The following PTPRM variants were observed in gnomAD, a reference collection of about 807,000 sequenced individuals.
PTPRM encodes protein tyrosine phosphatase receptor type M.
PTPRM carries 47 observed loss-of-function variants against 186.7 expected under a neutral mutation model. That is an observed-to-expected ratio of 0.25 (90% confidence interval 0.20 to 0.32). PTPRM has a LOEUF of 0.32. PTPRM is among the 10% of genes least tolerant of loss of function. The probability of loss-of-function intolerance (pLI) is 1.00; values close to 1 mark genes in which losing one functional copy is unlikely to be tolerated. For synonymous variants in PTPRM, 668 were observed against 674.9 expected, an observed-to-expected ratio of 0.99 and a Z score of 0.16; for missense variants, 1,494 against 1,865.0, an observed-to-expected ratio of 0.80 and a Z score of 3.66.
chr18:7,904,163 G>T (rs2049853349), intron 3 of PTPRM, among the ~76,000 whole-genome samples: 1 of 152,090 alleles, frequency 6.6e-6, no homozygotes, highest in Non-Finnish European at 1.5e-5. Flanking sequence ...GGAAATCATT[G>T]TAGAGTCACA....
intron 5 of PTPRM, among the ~76,000 whole-genome samples, chr18:7,941,321 G>T (rs2052158694): frequency 6.6e-6 from 1 of 152,156 alleles, no homozygotes; most frequent in African/African-American, 2.4e-5. Flanking sequence ...GGACAAGAGG[G>T]ACCATCTCTC....
At chr18:8,239,012 T>A (rs2094384614) in intron 14 of PTPRM, among the ~76,000 whole-genome samples, 1 of 151,010 alleles carries the variant, frequency 6.6e-6, no homozygotes, top group Admixed American at 6.6e-5. Flanking sequence ...ATTATTATTA[T>A]ACTTTAAGTT....
intron 22 of PTPRM, among the ~76,000 whole-genome samples, chr18:8,329,007 A>G (rs746254012): frequency 5.3e-5 from 8 of 152,246 alleles, no homozygotes; most frequent in Admixed American, 2.0e-4. Flanking sequence ...ACATCCACCT[A>G]TGTTGTTATA....
intron 24 of PTPRM, among the ~76,000 whole-genome samples, chr18:8,373,743 G>T (rs932654013): frequency 2.0e-5 from 3 of 152,156 alleles, no homozygotes; most frequent in Non-Finnish European, 4.4e-5. Context: ...GACTAACTGG[G>T]TGTGGTGGCT....
At chr18:8,241,834 A>G (rs1201119614) in intron 14 of PTPRM, among the ~76,000 whole-genome samples, 3 of 152,184 alleles carry the variant, frequency 2.0e-5, no homozygotes, top group Non-Finnish European at 4.4e-5. Flanking sequence ...ACAGACATAC[A>G]GTATGTCCTA....
chr18:7,936,370 T>TCCACTGCCTGGCCTCTCCCTGTTC (rs2051809597), intron 5 of PTPRM, among the ~76,000 whole-genome samples: 1 of 152,194 alleles, frequency 6.6e-6, no homozygotes, highest in Admixed American at 6.5e-5. Context: ...AGTACCTGCT[T>TCCACTGCCTGGCCTCTCCCTGTTC]CCACTGCCTG....
At chr18:7,676,641 GTGTGTGTGTGTGTGTGTGTGTA>G (rs1337563571) in intron 1 of PTPRM, among the ~76,000 whole-genome samples, 2 of 138,866 alleles carry the variant, frequency 1.4e-5, no homozygotes, top group African/African-American at 6.1e-5. Context: ...GTGTGTGTGT[GTGTGTGTGTGTGTGTGTGTGTA>G]TGTGTGTGTG....
Position 8,394,581 on chromosome 18 carries a change from GAAC to G in PTPRM, c.4320_4322del (p.Asn1440del). The G allele has an allele frequency of 5.0e-6, 8 of 1,612,332 alleles. No homozygotes were observed. The highest frequency in any genetic ancestry group is 6.8e-6 in the Non-Finnish European group (8 of 1,179,188). ...TCTTTCACGCTGTGAAGACACTGAG[GAAC>G]AACAAGCCCAACATGGTCGACCTCC... On this transcript the variant is annotated inframe_deletion, in exon 32 of 33. Coordinates refer to ENST00000580170, the MANE Select transcript of PTPRM (RefSeq NM_001105244.2).
At chr18:7,680,848 G>A (rs753827457) in intron 1 of PTPRM, among the ~76,000 whole-genome samples, 1 of 152,172 alleles carries the variant, frequency 6.6e-6, no homozygotes, top group Non-Finnish European at 1.5e-5. Context: ...TATGGGGTGG[G>A]AGTGTTGCTT....
chr18:8,066,230 A>G (rs1600365309), intron 7 of PTPRM, among the ~76,000 whole-genome samples: 1 of 152,226 alleles, frequency 6.6e-6, no homozygotes, highest in African/African-American at 2.4e-5. Flanking sequence ...TAGTAAAAGA[A>G]TTGTCAGATT....
rs2039152767 is a variant in PTPRM at position 7,668,737 on chromosome 18, C to T, written c.73+100846C>T. On this transcript the variant is annotated intron_variant, in intron 1 of 32. Coordinates refer to ENST00000580170, the MANE Select transcript of PTPRM (RefSeq NM_001105244.2). The surrounding 1 kb of genome is among the most constrained non-coding windows in gnomAD (Gnocchi z 4.7). ...TTCTTAGGTCCTAGTGTCAACTTCT[C>T]AGCAAGGCTCACCCTGGCCACTGCC... is the stretch of plus-strand genomic sequence containing the variant. 6.6e-6 allele frequency among the ~76,000 whole-genome samples: 1 copy of T among 152,208 alleles called. No homozygotes were observed. The highest frequency in any genetic ancestry group is 1.5e-5 in the Non-Finnish European group (1 of 68,050).
At chr18:8,006,804 T>C (rs773403325) in intron 7 of PTPRM, among the ~76,000 whole-genome samples, 4 of 152,232 alleles carry the variant, frequency 2.6e-5, no homozygotes, top group Non-Finnish European at 5.9e-5. Flanking sequence ...ACAGGCAAAG[T>C]GGCCGCTTGT....
At chr18:7,651,994 A>G (rs1297391874) in intron 1 of PTPRM, among the ~76,000 whole-genome samples, 5 of 152,222 alleles carry the variant, frequency 3.3e-5, no homozygotes, top group Non-Finnish European at 7.3e-5. Flanking sequence ...AATTTTCGCA[A>G]CCTACTCTTC....
chr18:7,720,050 C>G (rs1185608587), intron 1 of PTPRM, among the ~76,000 whole-genome samples: 2 of 151,986 alleles, frequency 1.3e-5, no homozygotes, highest in African/African-American at 4.8e-5. Context: ...TTAAGGAAAC[C>G]CTTAAACTTC....
intron 14 of PTPRM, among the ~76,000 whole-genome samples, chr18:8,211,881 G>T (rs968447101): frequency 1.3e-5 from 2 of 152,146 alleles, no homozygotes; most frequent in African/African-American, 4.8e-5. Context: ...AGCATGGAGG[G>T]CTCGCTGGAG....
chr18:7,742,355 T>G (rs2040899933), intron 1 of PTPRM, among the ~76,000 whole-genome samples: 1 of 152,202 alleles, frequency 6.6e-6, no homozygotes, highest in Non-Finnish European at 1.5e-5. Context: ...GTGACTAGGC[T>G]CCTGGGATTT....
At chr18:7,939,306 C>T (rs951122959) in intron 5 of PTPRM, among the ~76,000 whole-genome samples, 27 of 152,190 alleles carry the variant, frequency 1.8e-4, no homozygotes, top group African/African-American at 6.5e-4. Flanking sequence ...GTACTCAGAG[C>T]AGCTCCAAAA....
intron 4 of PTPRM, among the ~76,000 whole-genome samples, chr18:7,911,573 A>G (rs570958425): frequency 1.3e-5 from 2 of 152,208 alleles, no homozygotes; most frequent in South Asian, 2.1e-4. Flanking sequence ...TGAGTTGTTT[A>G]TCTTTTTATT....
At chr18:7,666,797 C>G (rs540305655) in intron 1 of PTPRM, among the ~76,000 whole-genome samples, 1 of 152,244 alleles carries the variant, frequency 6.6e-6, no homozygotes, top group Non-Finnish European at 1.5e-5. Flanking sequence ...GGGTTGTAAA[C>G]CTTATTTTAC....
Sources: allele counts gnomAD v4.1 joint callset (sites outside exome capture counted in the v4.1 genomes callset), GRCh38; gene constraint gnomAD v4.1.1; non-coding constraint Gnocchi (gnomAD v3.1); transcripts MANE v1.5; gene names NCBI Gene and HGNC (gene_info 2026-07-23, HGNC 2026-07-21).